Variants in CATSPERG observed in about 807,000 individuals in gnomAD.
CATSPERG encodes catsper channel auxiliary subunit gamma.
Under a neutral mutation model 145.0 loss-of-function variants are expected in CATSPERG, and 115 were observed. That is an observed-to-expected ratio of 0.79 (90% CI 0.68 to 0.93). The LOEUF (loss-of-function observed/expected upper bound fraction) is 0.93, where lower values mean the gene tolerates loss of function less well. Ranked by LOEUF, CATSPERG falls within the 40% of genes least tolerant of loss-of-function variation. The probability of loss-of-function intolerance (pLI) is 0.00; values close to 1 mark genes in which losing one functional copy is unlikely to be tolerated. For synonymous variants in CATSPERG, 588 were observed against 589.0 expected, an observed-to-expected ratio of 1.00 and a Z score of 0.02; for missense variants, 1,296 against 1,490.1, an observed-to-expected ratio of 0.87 and a Z score of 2.14.
At chr19:38,344,189 G>A in intron 5 of CATSPERG, 70 bp downstream of exon 5, 8 of 1,545,336 alleles carry the variant, frequency 5.2e-6, no homozygotes, top group Non-Finnish European at 7.0e-6. Flanking sequence ...CCCCAGAGGA[G>A]CCAGTGGGAG....
intron 3 of CATSPERG, among the ~76,000 whole-genome samples, chr19:38,338,701 A>G (rs1476555258): frequency 2.0e-5 from 3 of 152,084 alleles, no homozygotes; most frequent in Non-Finnish European, 4.4e-5. Context: ...GATCACTTGC[A>G]TCCAGAAGCT....
At chr19:38,353,207 A>G (rs1425671298) in intron 8 of CATSPERG, among the ~76,000 whole-genome samples, 5 of 151,362 alleles carry the variant, frequency 3.3e-5, no homozygotes, top group East Asian at 2.0e-4. Context: ...TGTGGTGGGC[A>G]CCTGTTATTC....
At chr19:38,352,457 C>T (rs1031808021) in intron 8 of CATSPERG, 25 bp downstream of exon 8, 11 of 1,550,960 alleles carry the variant, frequency 7.1e-6, no homozygotes, top group East Asian at 4.9e-5. Flanking sequence ...GCTGGACCCA[C>T]GCCTGGGGAG....
At chr19:38,363,429 G>C (rs1041502424) in intron 20 of CATSPERG, among the ~76,000 whole-genome samples, 6 of 151,602 alleles carry the variant, frequency 4.0e-5, no homozygotes, top group Admixed American at 2.6e-4. Context: ...CTCATGCCTC[G>C]GCGTGAGGTG....
chr19:38,359,591 C>T lies in CATSPERG; in HGVS notation c.1608+10C>T. The T allele has an allele frequency of 6.2e-7, 1 of 1,607,402 alleles. No homozygotes were observed. Among genetic ancestry groups the T allele is most frequent in the Non-Finnish European group, 8.5e-7 (1 of 1,176,280 alleles). The stretch of plus-strand genomic sequence containing the variant: ...CACAGAGACGGAGGAGGTGGGCTGC[C>T]CCGCCCCTCTCCCCGTTCCCTCTCT... On this transcript the variant is annotated intron_variant, in intron 14 of 28. Coordinates refer to ENST00000409235, the MANE Select transcript of CATSPERG (RefSeq NM_021185.5).
chr19:38,354,236 C>T (rs1970204672), intron 8 of CATSPERG, among the ~76,000 whole-genome samples: 1 of 152,154 alleles, frequency 6.6e-6, no homozygotes. Context: ...TGTTTATTGG[C>T]TTCCGTGGCT....
chr19:38,337,612 A>G lies in CATSPERG; in HGVS notation c.290A>G (p.Tyr97Cys). 4 of 1,551,764 alleles carry G rather than the reference A, an allele frequency of 2.6e-6. No individual in the cohort carries two copies. The highest frequency in any genetic ancestry group is 3.5e-6 in the Non-Finnish European group (4 of 1,147,002). ...DPSEKYLGFP[Y>C]YLKINYSCEE... ...TTGCAGAAATACCTGGGCTTCCCTTACTACCTGAAGATCAACTACTCCTGC... is the reference window on the plus strand; with the variant it reads ...TTGCAGAAATACCTGGGCTTCCCTTGCTACCTGAAGATCAACTACTCCTGC... The change falls in exon 3 of 29, where the codon TAC becomes TGC. Residue 97 changes from tyrosine to cysteine, a missense_variant. Physicochemically the swap from Tyr to Cys is radical, Grantham distance 194. Transcript: ENST00000409235.
chr19:38,370,190 C>A lies in CATSPERG; in HGVS notation c.3145C>A (p.Gln1049Lys), dbSNP rs1213332590. 6.2e-7 allele frequency: 1 copy of A among 1,613,944 alleles called. No homozygotes were observed. Among genetic ancestry groups the A allele is most frequent in the Non-Finnish European group, 8.5e-7 (1 of 1,180,032 alleles). ...GGACACGAGCACCTACTGCAACTACCAGCTCACCTTCCTGCTGCACATCCA... is the reference window on the plus strand; with the variant it reads ...GGACACGAGCACCTACTGCAACTACAAGCTCACCTTCCTGCTGCACATCCA... ...GVDTSTYCNY[Q>K]LTFLLHIHGL... The change falls in exon 28 of 29, where the codon CAG becomes AAG. Residue 1049 changes from glutamine (Q) to lysine (K), a missense_variant. Gln to Lys is a moderately conservative substitution (Grantham distance 53). Coordinates refer to ENST00000409235, the MANE Select transcript of CATSPERG (RefSeq NM_021185.5).
intron 26 of CATSPERG, among the ~76,000 whole-genome samples, chr19:38,368,635 C>T (rs1568384723): frequency 6.6e-6 from 1 of 152,218 alleles, no homozygotes; most frequent in East Asian, 1.9e-4. Flanking sequence ...CCTCCACCTT[C>T]CAGGTTCAAG....
chr19:38,351,963 C>T (rs544844815), intron 7 of CATSPERG, among the ~76,000 whole-genome samples: 1 of 152,120 alleles, frequency 6.6e-6, no homozygotes, highest in Non-Finnish European at 1.5e-5. Flanking sequence ...AGGTATAACA[C>T]TGACTGTAGC....
chr19:38,348,457 A>T (rs544794102), intron 7 of CATSPERG, among the ~76,000 whole-genome samples: 4 of 148,776 alleles, frequency 2.7e-5, no homozygotes, highest in African/African-American at 9.9e-5. Flanking sequence ...CAATTTCCAC[A>T]AACTTCGTTT....
Position 38,367,306 on chromosome 19 carries a change from CG to C in CATSPERG, c.2767del (p.Asp923ThrfsTer8). On this transcript the variant is annotated frameshift_variant, in exon 23 of 29. Transcript: ENST00000409235. LOFTEE classifies it high-confidence loss of function. ...VNPEMPCFLF[R>X]DIFYPFFLIQ... ...CCCGGAGATGCCCTGCTTTCTCTTC[CG>C]GGACAGTGTGTGTCCAGTCCCTTCC... 6.2e-7 allele frequency: 1 copy of C among 1,611,118 alleles called. No homozygotes were observed. Among genetic ancestry groups the C allele is most frequent in the Non-Finnish European group, 8.5e-7 (1 of 1,179,414 alleles).
At chr19:38,365,398 G>T (rs950918228) in intron 22 of CATSPERG, 2 of 372,088 alleles carry the variant, frequency 5.4e-6, no homozygotes, top group African/African-American at 4.1e-5. Context: ...AGCCTCCCAA[G>T]TAGCTGGGAT....
At chr19:38,351,449 A>C (rs551715894) in intron 7 of CATSPERG, among the ~76,000 whole-genome samples, 17 of 152,200 alleles carry the variant, frequency 1.1e-4, no homozygotes, top group East Asian at 9.7e-4. Flanking sequence ...TCTACTAAAA[A>C]TACAAAAAAT....
At chr19:38,340,709 T>A (rs1327107850) in intron 3 of CATSPERG, among the ~76,000 whole-genome samples, 1 of 152,018 alleles carries the variant, frequency 6.6e-6, no homozygotes, top group African/African-American at 2.4e-5. Flanking sequence ...AGCCTCGACC[T>A]CCTGGGCTGA....
At chr19:38,360,670 G>T in intron 15 of CATSPERG, 23 bp downstream of exon 15, 2 of 1,614,138 alleles carry the variant, frequency 1.2e-6, no homozygotes, top group Non-Finnish European at 1.7e-6. Context: ...GCTATGCGGG[G>T]ACATCGGGGC....
Position 38,362,825 on chromosome 19 carries a change from T to C in CATSPERG, c.2468T>C (p.Leu823Pro), listed in dbSNP as rs1008141305. The change falls in exon 20 of 29, where the codon CTA (leucine) becomes CCA (proline). Residue 823 changes from leucine to proline, a missense_variant. By Grantham distance (98) the Leu-to-Pro change is moderately conservative. Coordinates refer to ENST00000409235, the MANE Select transcript of CATSPERG (RefSeq NM_021185.5). ...GTCCTGATTAATCGCAACTCGGTGC[T>C]ATTTTCGGTGAGGCCCCCCGGGGAG... is the stretch of plus-strand genomic sequence containing the variant. Reference protein sequence around the residue: ...QEVLINRNSVLFSITLKDKKL... With the variant: ...QEVLINRNSVPFSITLKDKKL... The C allele has an allele frequency of 6.2e-7, 1 of 1,609,680 alleles. No homozygotes were observed. Among genetic ancestry groups the C allele is most frequent in the Non-Finnish European group, 8.5e-7 (1 of 1,176,540 alleles).
At chr19:38,360,940 A>C (rs1970334362) in intron 16 of CATSPERG, 97 bp downstream of exon 16, 1 of 1,020,608 alleles carries the variant, frequency 9.8e-7, no homozygotes, top group African/African-American at 1.6e-5. Flanking sequence ...AGCTAACCCC[A>C]GTGAAAACCT....
In CATSPERG at chr19:38,361,725, G is replaced by C; in HGVS notation, c.1958G>C (p.Arg653Thr). 6.2e-7 allele frequency: 1 copy of C among 1,613,366 alleles called. No individual in the cohort carries two copies. Among genetic ancestry groups the C allele is most frequent in the South Asian group, 1.1e-5 (1 of 90,980 alleles). ...CTGCGGAGCCTGCCCAGTCCGCAGA[G>C]ATACACGCGCCAGGAGCGCTACCGG... ...MRLRSLPSPQ[R>T]YTRQERYRAR... is the part of the protein sequence containing the mutation. Residue 653 changes from arginine (R) to threonine (T), a missense_variant, in exon 17 of 29, where the codon AGA becomes ACA. Arg to Thr is a moderately conservative substitution (Grantham distance 71, BLOSUM62 -1). Transcript: ENST00000409235.
Sources: allele counts gnomAD v4.1 joint callset (sites outside exome capture counted in the v4.1 genomes callset), GRCh38; gene constraint gnomAD v4.1.1; transcripts MANE v1.5; gene names NCBI Gene and HGNC (gene_info 2026-07-23, HGNC 2026-07-21).